Variants in RASAL2 observed in about 807,000 individuals in gnomAD.
RASAL2 encodes the protein ras GTPase-activating protein nGAP.
In RASAL2, 58 loss-of-function variants were observed where a neutral mutation model predicts 128.9. The ratio of observed to expected loss-of-function variants is 0.45; its 90% CI spans 0.36 to 0.56. RASAL2 has a LOEUF of 0.56. Among genes scored for constraint, RASAL2 ranks in the 20% least tolerant of loss-of-function variants. RASAL2 has a pLI of 0.00. For missense variants in RASAL2, 1,360 were observed against 1,601.6 expected, an observed-to-expected ratio of 0.85 and a Z score of 2.57; for synonymous variants, 561 against 580.8, an observed-to-expected ratio of 0.97 and a Z score of 0.49.
At chr1:178,370,679 C>A (rs1035650051) in intron 3 of RASAL2, among the ~76,000 whole-genome samples, 2 of 152,174 alleles carry the variant, frequency 1.3e-5, no homozygotes, top group African/African-American at 4.8e-5. Context: ...GTTAAAACTT[C>A]TAGAGCTACC....
chr1:178,305,823 G>C (rs900571244), intron 3 of RASAL2, among the ~76,000 whole-genome samples: 3 of 152,174 alleles, frequency 2.0e-5, no homozygotes, highest in Non-Finnish European at 2.9e-5. Flanking sequence ...ATTCCTATTA[G>C]AATGTATGAC....
intron 1 of RASAL2, among the ~76,000 whole-genome samples, chr1:178,280,367 AAC>A (rs1285540176): frequency 2.6e-5 from 4 of 152,044 alleles, no homozygotes; most frequent in Non-Finnish European, 5.9e-5. Flanking sequence ...TTTTTTTGAA[AAC>A]AGTTACATTT....
intron 15 of RASAL2, among the ~76,000 whole-genome samples, chr1:178,464,846 T>G (rs1453051165): frequency 9.5e-5 from 14 of 147,676 alleles, no homozygotes; most frequent in African/African-American, 1.8e-4. Flanking sequence ...TTTTTTTTTT[T>G]TTTTTTTTTT....
chr1:178,397,915 A>G (rs1673353240), intron 4 of RASAL2, among the ~76,000 whole-genome samples: 1 of 152,140 alleles, frequency 6.6e-6, no homozygotes, highest in Non-Finnish European at 1.5e-5. Flanking sequence ...CATGCCCAGC[A>G]GAGTTGCACA....
chr1:178,470,670 A>G, intron 17 of RASAL2: 4 of 1,363,988 alleles, frequency 2.9e-6, no homozygotes, highest in Non-Finnish European at 3.9e-6. Flanking sequence ...TGCAAGTGAT[A>G]TCTCCGCTGT....
chr1:178,209,421 TG>T (rs1376844741), intron 1 of RASAL2, among the ~76,000 whole-genome samples: 2 of 152,224 alleles, frequency 1.3e-5, no homozygotes, highest in African/African-American at 4.8e-5. Context: ...CCTGTCATTT[TG>T]GTGTAACAGG....
intron 3 of RASAL2, among the ~76,000 whole-genome samples, chr1:178,340,263 C>T (rs1414261971): frequency 6.6e-6 from 1 of 152,092 alleles, no homozygotes; most frequent in East Asian, 1.9e-4. Context: ...AATACTGTGT[C>T]ATTTTCATGT....
At chr1:178,122,372 C>A (rs147340483) in intron 1 of RASAL2, among the ~76,000 whole-genome samples, 5 of 152,068 alleles carry the variant, frequency 3.3e-5, no homozygotes, top group Non-Finnish European at 7.4e-5. Context: ...CACATTAAGT[C>A]AAAAAGAAAC....
At chr1:178,413,527 C>T (rs1287697365) in intron 4 of RASAL2, among the ~76,000 whole-genome samples, 3 of 152,188 alleles carry the variant, frequency 2.0e-5, no homozygotes, top group African/African-American at 7.2e-5. Context: ...ACTGCAGTTC[C>T]TCTCACCTGG....
chr1:178,102,975 A>G (rs916831912), intron 1 of RASAL2, among the ~76,000 whole-genome samples: 2 of 152,240 alleles, frequency 1.3e-5, no homozygotes, highest in African/African-American at 4.8e-5. Context: ...ATTCAGGGTT[A>G]TATTTCTGTG....
In RASAL2 at chr1:178,464,205, A is replaced by G. The variant is rs1572125362; in HGVS notation, c.3253-73A>G. On this transcript the variant is annotated intron_variant, in intron 14 of 17. Coordinates refer to ENST00000367649, the MANE Select transcript of RASAL2 (RefSeq NM_170692.4). ...GAGAGATCACAGTTAATGTCTTCCA[A>G]GAATAGCTGTTTGTGAAACATAGCA... The G allele has an allele frequency of 1.1e-5, 16 of 1,479,546 alleles. No individual in the cohort carries two copies. In the East Asian group the frequency reaches 3.7e-4, roughly 35 times the overall value. 91.7% of individuals were successfully genotyped at this position (1,479,546 alleles called of 1,614,324 possible). A position where few individuals can be genotyped will look rare whatever the true frequency, so the allele number is the denominator to read the frequency against.
chr1:178,349,831 T>G (rs1224028331), intron 3 of RASAL2, among the ~76,000 whole-genome samples: 1 of 152,182 alleles, frequency 6.6e-6, no homozygotes, highest in Admixed American at 6.5e-5. Flanking sequence ...CCTTGTTATA[T>G]TGGACGAAAA....
intron 1 of RASAL2, among the ~76,000 whole-genome samples, chr1:178,180,670 C>CACACACACACACACACAG (rs1662074301): frequency 6.6e-6 from 1 of 150,722 alleles, no homozygotes; most frequent in Non-Finnish European, 1.5e-5. Context: ...GTCTCACACA[C>CACACACACACACACACAG]ACACACACAC....
intron 1 of RASAL2, among the ~76,000 whole-genome samples, chr1:178,148,545 C>T (rs944286591): frequency 6.6e-6 from 1 of 151,798 alleles, no homozygotes; most frequent in African/African-American, 2.4e-5. Context: ...ACCTCCTGGG[C>T]TCAGGTGATC....
At chr1:178,304,349 C>T (rs1025591638) in intron 3 of RASAL2, among the ~76,000 whole-genome samples, 26 of 151,972 alleles carry the variant, frequency 1.7e-4, no homozygotes, top group Admixed American at 1.4e-3. Flanking sequence ...CATAGTGAGA[C>T]CCTTATCTCT....
intron 3 of RASAL2, among the ~76,000 whole-genome samples, chr1:178,359,580 A>G (rs1281714986): frequency 1.3e-5 from 2 of 152,174 alleles, no homozygotes; most frequent in Non-Finnish European, 2.9e-5. Context: ...AAGATACTTA[A>G]ATTTTTATTA....
At chr1:178,471,571 T>C (rs1365107723) in intron 17 of RASAL2, among the ~76,000 whole-genome samples, 1 of 151,678 alleles carries the variant, frequency 6.6e-6, no homozygotes, top group Non-Finnish European at 1.5e-5. Context: ...GAAAGAAGGA[T>C]TTTTTTTTAA....
chr1:178,385,315 T>C (rs373340284), intron 3 of RASAL2, among the ~76,000 whole-genome samples: 3 of 152,220 alleles, frequency 2.0e-5, no homozygotes, highest in African/African-American at 7.2e-5. Context: ...CACACACTTA[T>C]AGTCCCAGCT....
intron 1 of RASAL2, among the ~76,000 whole-genome samples, chr1:178,219,236 G>A (rs1558121852): frequency 6.6e-6 from 1 of 152,206 alleles, no homozygotes; most frequent in Non-Finnish European, 1.5e-5. Flanking sequence ...CTCTGGATTA[G>A]GCTTTGGTTT....
Sources: gnomAD v4.1 joint callset for allele counts (sites outside exome capture counted in the v4.1 genomes callset) on GRCh38, gnomAD v4.1.1 for gene constraint, MANE v1.5 for transcripts, NCBI Gene and HGNC (gene_info 2026-07-23, HGNC 2026-07-21) for gene names.